Variants in UGT2B11 observed in about 807,000 individuals in gnomAD.
UGT2B11 encodes the protein UDP glucuronosyltransferase family 2 member B11.
UGT2B11 carries 49 observed loss-of-function variants against 51.7 expected under a neutral mutation model. That is an observed-to-expected ratio of 0.95 (90% CI 0.75 to 1.20). The LOEUF (loss-of-function observed/expected upper bound fraction) is 1.20, where lower values mean the gene tolerates loss of function less well. UGT2B11 is among the 50% of genes most tolerant of loss of function. UGT2B11 has a pLI of 0.00. For missense variants in UGT2B11, 810 were observed against 622.1 expected (o/e 1.30, Z -3.21); for synonymous variants, 273 against 209.0 (o/e 1.31, Z -2.64).
intron 5 of UGT2B11, among the ~76,000 whole-genome samples, chr4:69,203,993 T>A (rs1029912941): frequency 1.3e-5 from 2 of 151,722 alleles, no homozygotes; most frequent in African/African-American, 4.8e-5. Context: ...TTTTAAGCTA[T>A]CGAAATTAAA....
rs62298955 is a variant in UGT2B11 at position 69,212,563 on chromosome 4, G to T, written c.870+10C>A. The T allele has an allele frequency of 6.3e-7, 1 of 1,599,748 alleles. No homozygotes were observed. The highest frequency in any genetic ancestry group is 1.1e-5 in the South Asian group (1 of 88,230). On this transcript the variant is annotated intron_variant, in intron 2 of 5. Coordinates refer to ENST00000446444, the MANE Select transcript of UGT2B11 (RefSeq NM_001073.3). Reference sequence around the variant, plus strand: ...AGCCAACAAAATAAAACCAACAAAAGTATGTTTACCTTAGGTAGGGGTTTG... The same window carrying T: ...AGCCAACAAAATAAAACCAACAAAATTATGTTTACCTTAGGTAGGGGTTTG...
chr4:69,214,171 A>C lies in UGT2B11; in HGVS notation c.552T>G (p.Ser184Arg), dbSNP rs147038159. Residue 184 changes from serine (S) to arginine (R), a missense_variant, in exon 1 of 6, where the codon AGT (serine) becomes AGG (arginine). Physicochemically the swap from Ser to Arg is moderately radical, Grantham distance 110. Coordinates refer to ENST00000446444, the MANE Select transcript of UGT2B11 (RefSeq NM_001073.3). ...AGGAAGGAGGGAAAATCAGTCCTCC[A>C]CTGTGCCTTTCAATTGTGTAGCCAG... Reference protein sequence around the residue: ...FTPGYTIERHSGGLIFPPSYI... With the variant: ...FTPGYTIERHRGGLIFPPSYI... 2.7e-5 allele frequency: 44 copies of C among 1,612,782 alleles called. No homozygotes were observed. The highest frequency in any genetic ancestry group is 3.7e-5 in the Non-Finnish European group (44 of 1,179,344).
intron 5 of UGT2B11, among the ~76,000 whole-genome samples, chr4:69,202,477 A>G (rs1721695888): frequency 6.6e-6 from 1 of 151,566 alleles, no homozygotes; most frequent in Non-Finnish European, 1.5e-5. Flanking sequence ...AATCTTTTAT[A>G]TTTCGTAAGT....
intron 2 of UGT2B11, among the ~76,000 whole-genome samples, chr4:69,210,290 G>C (rs1276216624): frequency 1.3e-5 from 2 of 151,260 alleles, no homozygotes; most frequent in African/African-American, 2.4e-5. Flanking sequence ...AGGTTTAATA[G>C]GTGCACCTTG....
chr4:69,222,690 T>C, the UGT2B11 span, among the ~76,000 whole-genome samples: 11 of 152,196 alleles, frequency 7.2e-5, no homozygotes, highest in Admixed American at 3.3e-4. Context: ...ATCAAAGGAC[T>C]GCCCCAATTC....
intron 2 of UGT2B11, among the ~76,000 whole-genome samples, chr4:69,212,016 C>A (rs1190452972): frequency 6.6e-6 from 1 of 151,422 alleles, no homozygotes; most frequent in African/African-American, 2.4e-5. Flanking sequence ...TCTGCCCCTC[C>A]CCTTCATTCT....
At chr4:69,213,251 C>T (rs1354957980) in intron 1 of UGT2B11, among the ~76,000 whole-genome samples, 2 of 151,632 alleles carry the variant, frequency 1.3e-5, no homozygotes, top group Non-Finnish European at 3.0e-5. Flanking sequence ...ATAATATTAT[C>T]ATTTAAGTAA....
the UGT2B11 span, among the ~76,000 whole-genome samples, chr4:69,223,051 G>C: frequency 7.2e-5 from 11 of 152,090 alleles, no homozygotes; most frequent in Admixed American, 1.3e-4. Context: ...GGCAAAGAAA[G>C]CTTGTACATA....
In UGT2B11 at chr4:69,214,084, A is replaced by G. The variant is rs146629153; in HGVS notation, c.639T>C (p.Asn213=). ...DQMTFMERVK[N]MIYVLYFDFW... is the part of the protein sequence containing the mutation. The stretch of plus-strand genomic sequence containing the variant: ...AGTCAAAATAAAGCACATAGATCAT[A>G]TTTTTTACCCTCTCCATGAAAGTCA... The change falls in exon 1 of 6, where the codon AAT becomes AAC. Residue 213 remains asparagine (N), a synonymous_variant. Transcript: ENST00000446444. The G allele has an allele frequency of 1.5e-4, 247 of 1,611,064 alleles. No homozygotes were observed. The highest frequency in any genetic ancestry group is 1.9e-4 in the Non-Finnish European group (225 of 1,178,624).
At position 69,200,332 on chromosome 4, in the gene UGT2B11, TTTGTC is replaced by T; in HGVS notation, c.*103_*107del. The T allele has an allele frequency of 8.4e-7, 1 of 1,197,396 alleles. No individual in the cohort carries two copies. The allele number at this position is 1,197,396 out of a possible 1,614,324, so 74.2% of individuals were successfully genotyped here. ...TGAAAATTTTTTTTTTTTTTTTTTT[TTTGTC>T]ACAGGAAGAAAGAAATCTTGCATAA... On this transcript the variant is annotated 3_prime_UTR_variant, in exon 6 of 6. Transcript: ENST00000446444.
chr4:69,203,311 G>C (rs1721727671), intron 5 of UGT2B11, among the ~76,000 whole-genome samples: 1 of 151,676 alleles, frequency 6.6e-6, no homozygotes, highest in African/African-American at 2.4e-5. Flanking sequence ...CAGGATGAGA[G>C]ATCATTTTAA....
chr4:69,209,096 G>A (rs1163549418), intron 2 of UGT2B11, among the ~76,000 whole-genome samples: 1 of 151,604 alleles, frequency 6.6e-6, no homozygotes, highest in African/African-American at 2.4e-5. Flanking sequence ...AATAAAAGCT[G>A]GTGGTTAAGA....
intron 2 of UGT2B11, among the ~76,000 whole-genome samples, chr4:69,210,605 TC>T (rs1722025267): frequency 6.6e-6 from 1 of 151,558 alleles, no homozygotes; most frequent in African/African-American, 2.4e-5. Context: ...CTTTTACACC[TC>T]CTACTCTCTT....
rs780651585 is a variant in UGT2B11, at chr4:69,214,012, A to T, written c.711T>A (p.Ser237Arg). 4 of 1,562,558 alleles carry T rather than the reference A, an allele frequency of 2.6e-6. No homozygotes were observed. In the Admixed American group the frequency reaches 7.9e-5, roughly 31 times the overall value. ...TAAACAAATTCTTACCTAAAACTTC[A>T]CTGTAAAACTGATCCCACTTCTTCA... ...SDMKKWDQFY[S>R]EVLGRPTTLF... The change falls in exon 1 of 6, where the codon AGT (serine) becomes AGA (arginine). Residue 237 changes from serine (S) to arginine (R), a missense_variant. Ser to Arg is a moderately radical substitution (Grantham distance 110, BLOSUM62 -1). Transcript: ENST00000446444.
chr4:69,204,531 A>G lies in UGT2B11; in HGVS notation c.1209T>C (p.Ile403=). Residue 403 remains isoleucine, a synonymous_variant, in exon 5 of 6, where the codon ATT becomes ATC. Transcript: ENST00000446444. ...IPLFFDQPDN[I]AHMKAKGAAV... ...CTGCTCCCTTGGCCTTCATGTGAGC[A>G]ATGTTATCAGGTTGATCAAAAAACA... The G allele has an allele frequency of 6.2e-7, 1 of 1,612,390 alleles. No individual in the cohort carries two copies. Among genetic ancestry groups the G allele is most frequent in the Admixed American group, 1.7e-5 (1 of 59,868 alleles).
In UGT2B11 at chr4:69,212,599, A is replaced by G. The variant is rs767618584; in HGVS notation, c.844T>C (p.Cys282Arg). Reference protein sequence around the residue: ...PNVDFVGGFHCKPAKPLPKEM... With the variant: ...PNVDFVGGFHRKPAKPLPKEM... ...TTAGGTAGGGGTTTGGCAGGTTTGCAGTGGAATCCTCCAACAAAATCAACG... is the reference window on the plus strand; with the variant it reads ...TTAGGTAGGGGTTTGGCAGGTTTGCGGTGGAATCCTCCAACAAAATCAACG... Residue 282 changes from cysteine (C) to arginine (R), a missense_variant, in exon 2 of 6, where the codon TGC becomes CGC. Coordinates refer to ENST00000446444, the MANE Select transcript of UGT2B11 (RefSeq NM_001073.3). 1.2e-6 allele frequency: 2 copies of G among 1,608,776 alleles called. No individual in the cohort carries two copies. Among genetic ancestry groups the G allele is most frequent in the Non-Finnish European group, 1.7e-6 (2 of 1,176,964 alleles).
Position 69,204,470 on chromosome 4 carries a change from C to A in UGT2B11, c.1270G>T (p.Asp424Tyr). 1 of 1,612,054 alleles carries A rather than the reference C, an allele frequency of 6.2e-7. No individual in the cohort carries two copies. The highest frequency in any genetic ancestry group is 1.1e-5 in the South Asian group (1 of 91,046). Reference sequence around the variant, plus strand: ...ACTGTCTTCAGTGCATTCAGCAGGTCTGTACTCGACATTGTGTTGAAGTCC... The same window carrying A: ...ACTGTCTTCAGTGCATTCAGCAGGTATGTACTCGACATTGTGTTGAAGTCC... ...RLDFNTMSSTDLLNALKTVIN... is the reference protein window; with the variant it reads ...RLDFNTMSSTYLLNALKTVIN... The change falls in exon 5 of 6, where the codon GAC becomes TAC. Residue 424 changes from aspartate (D) to tyrosine (Y), a missense_variant. Coordinates refer to ENST00000446444, the MANE Select transcript of UGT2B11 (RefSeq NM_001073.3).
chr4:69,204,984 C>T (rs111816283), intron 4 of UGT2B11, among the ~76,000 whole-genome samples: 7,229 of 151,428 alleles, frequency 0.048, 207 homozygotes, highest in South Asian at 0.12. Context: ...GTGTGATATG[C>T]GGGGTATGCA....
At chr4:69,218,480 G>A (rs1220681552), upstream of UGT2B11, among the ~76,000 whole-genome samples, 1 of 151,966 alleles carries the variant, frequency 6.6e-6, no homozygotes. Context: ...GGGAAAAGTA[G>A]AAATTATGAC....
Sources: gnomAD v4.1 joint callset for allele counts (sites outside exome capture counted in the v4.1 genomes callset) on GRCh38, gnomAD v4.1.1 for gene constraint, MANE v1.5 for transcripts, NCBI Gene and HGNC (gene_info 2026-07-23, HGNC 2026-07-21) for gene names.